The following RAB3GAP2 variants were observed in gnomAD, a reference collection of about 807,000 sequenced individuals.
RAB3GAP2 encodes the protein rab3 GTPase-activating protein non-catalytic subunit.
Under a neutral mutation model 185.3 loss-of-function variants are expected in RAB3GAP2, and 87 were observed. The observed-to-expected ratio is 0.47, with a 90% CI of 0.39 to 0.56. The LOEUF (loss-of-function observed/expected upper bound fraction) is 0.56, where lower values mean the gene tolerates loss of function less well. Among genes scored for constraint, RAB3GAP2 ranks in the 20% least tolerant of loss-of-function variants. The pLI, the probability that RAB3GAP2 is intolerant of heterozygous loss-of-function variation, is 0.00. For synonymous variants in RAB3GAP2, 554 were observed against 576.1 expected, an observed-to-expected ratio of 0.96 and a Z score of 0.55; for missense variants, 1,492 against 1,638.2, an observed-to-expected ratio of 0.91 and a Z score of 1.54.
intron 21 of RAB3GAP2, 69 bp downstream of exon 21, chr1:220,182,188 A>C: frequency 6.3e-7 from 1 of 1,595,670 alleles, no homozygotes; most frequent in East Asian, 2.2e-5. Flanking sequence ...TTAAAAAAAA[A>C]AAGAAGACTG....
chr1:220,223,197 C>T (rs1001859767), intron 2 of RAB3GAP2, among the ~76,000 whole-genome samples: 3 of 152,156 alleles, frequency 2.0e-5, no homozygotes, highest in African/African-American at 7.2e-5. Flanking sequence ...TAGGCAGGCA[C>T]ATGTCACTTT....
At chr1:220,270,208 G>A (rs1571940035) in intron 1 of RAB3GAP2, among the ~76,000 whole-genome samples, 1 of 152,108 alleles carries the variant, frequency 6.6e-6, no homozygotes, top group Admixed American at 6.5e-5. Flanking sequence ...ACTCTCACAT[G>A]ATTTTCCTCT....
chr1:220,154,063 A>C lies in RAB3GAP2; in HGVS notation c.3556-6T>G, dbSNP rs1352844922. 2 of 1,612,964 alleles carry C rather than the reference A, an allele frequency of 1.2e-6. No homozygotes were observed. Among genetic ancestry groups the C allele is most frequent in the Admixed American group, 3.3e-5 (2 of 59,982 alleles). On this transcript the variant is annotated splice_region_variant and splice_polypyrimidine_tract_variant and intron_variant, in intron 31 of 34. Transcript: ENST00000358951. ...TTGAAAAATGCATTTTTTCCCTAAA[A>C]AGAAAGAGAGCAAGAAAACTGATGA... is the stretch of plus-strand genomic sequence containing the variant.
chr1:220,252,720 C>T (rs1397021925), intron 1 of RAB3GAP2, among the ~76,000 whole-genome samples: 1 of 152,174 alleles, frequency 6.6e-6, no homozygotes. Context: ...GAGATCTCCT[C>T]ATGAGCCCAC....
At chr1:220,239,387 T>C (rs1571922565) in intron 1 of RAB3GAP2, among the ~76,000 whole-genome samples, 1 of 152,164 alleles carries the variant, frequency 6.6e-6, no homozygotes, top group South Asian at 2.1e-4. Flanking sequence ...TATGCCACCA[T>C]GTCCGGCAAA....
chr1:220,170,577 T>A (rs1239747387), intron 24 of RAB3GAP2, among the ~76,000 whole-genome samples: 1 of 152,158 alleles, frequency 6.6e-6, no homozygotes, highest in African/African-American at 2.4e-5. Context: ...GTGTTTTGGT[T>A]GAAGTATAAG....
intron 1 of RAB3GAP2, among the ~76,000 whole-genome samples, chr1:220,269,443 G>C (rs1419629386): frequency 6.6e-6 from 1 of 152,226 alleles, no homozygotes; most frequent in African/African-American, 2.4e-5. Context: ...GCAATGTTAG[G>C]CTGGGTGTGG....
intron 4 of RAB3GAP2, among the ~76,000 whole-genome samples, chr1:220,211,671 C>T (rs1205249405): frequency 6.6e-6 from 1 of 152,138 alleles, no homozygotes; most frequent in Non-Finnish European, 1.5e-5. Flanking sequence ...ACAACTCCTA[C>T]CCACTGACTT....
intron 26 of RAB3GAP2, among the ~76,000 whole-genome samples, 194 bp downstream of exon 26, chr1:220,167,099 T>A (rs1457598873): frequency 6.6e-6 from 1 of 152,170 alleles, no homozygotes; most frequent in South Asian, 2.1e-4. Context: ...ACTGACAGTA[T>A]CTATACTTCA....
At chr1:220,200,333 T>A (rs1013040204) in intron 9 of RAB3GAP2, among the ~76,000 whole-genome samples, 3 of 152,302 alleles carry the variant, frequency 2.0e-5, no homozygotes, top group South Asian at 4.1e-4. Context: ...TACCATAACC[T>A]ACTTATTTTC....
Position 220,153,327 on chromosome 1 carries a change from G to A in RAB3GAP2, c.3725C>T (p.Thr1242Ile), listed in dbSNP as rs1047824889. The change falls in exon 33 of 35, where the codon ACA becomes ATA. Residue 1242 changes from threonine (T) to isoleucine (I), a missense_variant. Around this residue, in one of 5 missense-constraint regions of RAB3GAP2, gnomAD observed 387 missense variants for 455.3 expected, o/e 0.85. Transcript: ENST00000358951. ...TKVKDPTEEATPTPFGKDQDW... is the reference protein window; with the variant it reads ...TKVKDPTEEAIPTPFGKDQDW... ...TTGGTCTTTCCCAAAAGGAGTGGGT[G>A]TGGCCTCTTCTGTGGGATCTTTGAC... 1 of 1,614,212 alleles carries A rather than the reference G, an allele frequency of 6.2e-7. No homozygotes were observed. Among genetic ancestry groups the A allele is most frequent in the Non-Finnish European group, 8.5e-7 (1 of 1,180,024 alleles).
rs1182925264 is a variant in RAB3GAP2, at chr1:220,213,930, T to C, written c.230A>G (p.Asp77Gly). The change falls in exon 3 of 35, where the codon GAT becomes GGT. Residue 77 changes from aspartate (D) to glycine (G), a missense_variant. This residue lies in a region of RAB3GAP2 where 177 missense variants were observed against 160.6 expected (regional missense o/e 1.10). Coordinates refer to ENST00000358951, the MANE Select transcript of RAB3GAP2 (RefSeq NM_012414.4). Reference protein sequence around the residue: ...CKTQKTSWLQDCVLSLSPTND... With the variant: ...CKTQKTSWLQGCVLSLSPTND... Reference sequence around the variant, plus strand: ...GGTTGGAGATAAGGATAAAACACAATCTTGGAGCCAGGAAGTTTTTTGTGT... The same window carrying C: ...GGTTGGAGATAAGGATAAAACACAACCTTGGAGCCAGGAAGTTTTTTGTGT... 1.9e-6 allele frequency: 3 copies of C among 1,613,142 alleles called. No homozygotes were observed. The highest frequency in any genetic ancestry group is 2.5e-6 in the Non-Finnish European group (3 of 1,179,360).
chr1:220,237,945 C>CA (rs538121117), intron 1 of RAB3GAP2, among the ~76,000 whole-genome samples: 223 of 151,342 alleles, frequency 1.5e-3, no homozygotes, highest in Non-Finnish European at 1.3e-3. Context: ...AGAATACAAC[C>CA]AGAATATTGT....
Position 220,185,638 on chromosome 1 carries a change from C to G in RAB3GAP2, c.1870+13G>C. 6.3e-7 allele frequency: 1 copy of G among 1,587,330 alleles called. No individual in the cohort carries two copies. Reference sequence around the variant, plus strand: ...TTAAGAACATAACCTCCAATCAGTACAAACCCTATTACCTTGACTTTTTAA... The same window carrying G: ...TTAAGAACATAACCTCCAATCAGTAGAAACCCTATTACCTTGACTTTTTAA... On this transcript the variant is annotated intron_variant, in intron 18 of 34. Coordinates refer to ENST00000358951, the MANE Select transcript of RAB3GAP2 (RefSeq NM_012414.4).
intron 9 of RAB3GAP2, among the ~76,000 whole-genome samples, chr1:220,198,696 C>T (rs1329021911): frequency 6.6e-6 from 1 of 152,156 alleles, no homozygotes. Flanking sequence ...ATGCTACTTA[C>T]TGTAATTACA....
At chr1:220,255,549 G>C (rs1323630039) in intron 1 of RAB3GAP2, among the ~76,000 whole-genome samples, 1 of 152,126 alleles carries the variant, frequency 6.6e-6, no homozygotes, top group African/African-American at 2.4e-5. Flanking sequence ...CAATACAGGA[G>C]CTGATAGCCA....
At chr1:220,168,421 G>A (rs1375672441) in intron 24 of RAB3GAP2, among the ~76,000 whole-genome samples, 1 of 148,152 alleles carries the variant, frequency 6.7e-6, no homozygotes, top group East Asian at 2.0e-4. Context: ...TTTTGAGACA[G>A]AGTTTCGCTC....
chr1:220,267,566 T>G, intron 1 of RAB3GAP2: 5 of 1,373,814 alleles, frequency 3.6e-6, no homozygotes, highest in Non-Finnish European at 5.2e-6. Context: ...CATTTTTCTG[T>G]TTTGATGCCA....
At chr1:220,165,165 T>C (rs1658041292) in intron 26 of RAB3GAP2, among the ~76,000 whole-genome samples, 1 of 148,906 alleles carries the variant, frequency 6.7e-6, no homozygotes, top group Admixed American at 6.8e-5. Context: ...ATTCAACAAA[T>C]ATTTATTGAG....
Sources: gnomAD v4.1 joint callset for allele counts (sites outside exome capture counted in the v4.1 genomes callset) on GRCh38, gnomAD v4.1.1 for gene constraint, gnomAD v4.1.1 regional missense constraint, MANE v1.5 for transcripts, NCBI Gene and HGNC (gene_info 2026-07-23, HGNC 2026-07-21) for gene names.